Variants in CNOT6L observed in about 807,000 individuals in gnomAD.
CNOT6L encodes CCR4-NOT transcription complex subunit 6 like, also known as CCR4-NOT transcription complex subunit 6-like.
A neutral mutation model predicts 64.0 loss-of-function variants in CNOT6L; 7 were observed. That is an observed-to-expected ratio of 0.11 (90% CI 0.06 to 0.21). The LOEUF is 0.21. CNOT6L is among the 10% of genes least tolerant of loss of function. The pLI is 1.00. For synonymous variants in CNOT6L, 193 were observed against 243.4 expected (o/e 0.79, Z 1.93); for missense variants, 245 against 669.0 (o/e 0.37, Z 6.99).
chr4:77,791,969 T>C (rs1017158357), intron 1 of CNOT6L, among the ~76,000 whole-genome samples: 2 of 152,186 alleles, frequency 1.3e-5, no homozygotes, highest in East Asian at 1.9e-4. Context: ...TACTTTACAC[T>C]GTATTTACTC....
chr4:77,764,587 C>T (rs1004362525), intron 4 of CNOT6L, among the ~76,000 whole-genome samples: 51 of 152,070 alleles, frequency 3.4e-4, no homozygotes, highest in African/African-American at 1.1e-3. Flanking sequence ...AATTGGGACC[C>T]CTTTCCAGTA....
intron 1 of CNOT6L, among the ~76,000 whole-genome samples, chr4:77,817,093 A>T (rs903765193): frequency 1.1e-4 from 16 of 152,096 alleles, no homozygotes; most frequent in Non-Finnish European, 1.2e-4. Context: ...TGGTTCCTTG[A>T]TCCTTTTTAA....
In CNOT6L at chr4:77,777,836, A is replaced by G. The variant is rs1443227924; in HGVS notation, c.6-1444T>C. Among the ~76,000 whole-genome samples the G allele has an allele frequency of 2.0e-5, 3 of 152,322 alleles. No homozygotes were observed. In the East Asian group the frequency reaches 5.8e-4, roughly 29 times the overall value. On this transcript the variant is annotated intron_variant, in intron 1 of 11. Transcript: ENST00000504123. Reference sequence around the variant, plus strand: ...AAGAGATATTCTATCATGTAATAAGAAATCAAAAAGCTAGTTTATAAGAAT... The same window carrying G: ...AAGAGATATTCTATCATGTAATAAGGAATCAAAAAGCTAGTTTATAAGAAT...
intron 5 of CNOT6L, among the ~76,000 whole-genome samples, chr4:77,750,754 C>T (rs752852945): frequency 3.9e-5 from 6 of 152,114 alleles, no homozygotes; most frequent in Non-Finnish European, 8.8e-5. Flanking sequence ...CTATCACATA[C>T]AATAAATAAA....
intron 11 of CNOT6L, 115 bp from the exon 12 acceptor site, chr4:77,720,758 G>A: frequency 2.0e-6 from 2 of 993,134 alleles, no homozygotes; most frequent in Non-Finnish European, 3.0e-6. Context: ...CTGTTGTCTT[G>A]ATAGTGGGTC....
chr4:77,759,514 G>A (rs985692441), intron 4 of CNOT6L, among the ~76,000 whole-genome samples: 5 of 151,426 alleles, frequency 3.3e-5, no homozygotes, highest in Non-Finnish European at 7.4e-5. Context: ...GCAGTGAGCC[G>A]AGATTGCGCC....
chr4:77,728,323 G>C (rs1722094528), intron 10 of CNOT6L, among the ~76,000 whole-genome samples: 1 of 152,176 alleles, frequency 6.6e-6, no homozygotes, highest in Non-Finnish European at 1.5e-5. Context: ...CTGTGCCTCA[G>C]GCAGCTGATC....
chr4:77,774,794 G>T, intron 2 of CNOT6L, 78 bp from the exon 3 acceptor site: 2 of 888,998 alleles, frequency 2.2e-6, no homozygotes, highest in Non-Finnish European at 3.2e-6. Context: ...CTGAAAAGTG[G>T]TAAGAGAGGC....
At chr4:77,751,425 A>C (rs976987828) in intron 5 of CNOT6L, among the ~76,000 whole-genome samples, 1 of 152,310 alleles carries the variant, frequency 6.6e-6, no homozygotes, top group East Asian at 1.9e-4. Flanking sequence ...TATCTAGATT[A>C]GTATTATCAG....
chr4:77,805,095 A>G (rs144126320), intron 1 of CNOT6L, among the ~76,000 whole-genome samples: 148 of 152,304 alleles, frequency 9.7e-4, no homozygotes, highest in Non-Finnish European at 1.2e-3. Flanking sequence ...GGACCTGAGT[A>G]TGTATGCATG....
intron 11 of CNOT6L, among the ~76,000 whole-genome samples, chr4:77,723,198 A>G (rs1219363793): frequency 6.6e-6 from 1 of 152,128 alleles, no homozygotes; most frequent in Non-Finnish European, 1.5e-5. Context: ...TATTAAACTT[A>G]CCTGGTCTGA....
chr4:77,754,641 C>T (rs1340627656), intron 5 of CNOT6L, among the ~76,000 whole-genome samples: 2 of 152,032 alleles, frequency 1.3e-5, no homozygotes, highest in Non-Finnish European at 2.9e-5. Flanking sequence ...AGGGGGAAGA[C>T]TTACTCTACT....
chr4:77,756,172 CGTTTCACCATG>C (rs1396488927), intron 5 of CNOT6L, among the ~76,000 whole-genome samples: 3 of 151,996 alleles, frequency 2.0e-5, no homozygotes, highest in Admixed American at 6.5e-5. Context: ...TTAGTAGAGA[CGTTTCACCATG>C]GTTTCACCAT....
chr4:77,714,644 A>G lies in CNOT6L; in HGVS notation c.*5787T>C, dbSNP rs565304988. On this transcript the variant is annotated 3_prime_UTR_variant, in exon 12 of 12. Transcript: ENST00000504123. The stretch of plus-strand genomic sequence containing the variant: ...TACGAATGCCCATAGTGCACATCTC[A>G]GTGCTGCTGGTGTTTAAGAAATTTG... 6.6e-6 allele frequency: 1 copy of G among 152,642 alleles called. No homozygotes were observed. Among genetic ancestry groups the G allele is most frequent in the East Asian group, 1.9e-4 (1 of 5,188 alleles). 9.5% of individuals were successfully genotyped at this position (152,642 alleles called of 1,614,324 possible). A position where few individuals can be genotyped will look rare whatever the true frequency, so the allele number is the denominator to read the frequency against.
At chr4:77,742,366 C>T (rs1723690794) in intron 7 of CNOT6L, 71 bp from the exon 8 acceptor site, 1 of 1,331,412 alleles carries the variant, frequency 7.5e-7, no homozygotes, top group African/African-American at 1.4e-5. Context: ...AAATGTTCAG[C>T]ATTATGAGTA....
At chr4:77,759,021 C>CCG (rs1725872050) in intron 4 of CNOT6L, among the ~76,000 whole-genome samples, 2 of 151,922 alleles carry the variant, frequency 1.3e-5, no homozygotes, top group South Asian at 4.2e-4. Context: ...CCCCTCCGCA[C>CCG]CTTACCACTA....
chr4:77,751,060 C>A (rs565178393), intron 5 of CNOT6L, among the ~76,000 whole-genome samples: 9 of 152,342 alleles, frequency 5.9e-5, no homozygotes, highest in Admixed American at 2.6e-4. Context: ...AAAAGACCAA[C>A]AGACACCAAC....
At position 77,817,773 on chromosome 4, in the gene CNOT6L, C is replaced by T. The variant is rs145590013; in HGVS notation, c.5+1531G>A. On this transcript the variant is annotated intron_variant, in intron 1 of 11. Transcript: ENST00000504123. The stretch of plus-strand genomic sequence containing the variant: ...TCCCCGTGAACAGCATACACTATTT[C>T]TTTGTGAGACCAGGTGCAAAGAGCA... Among the ~76,000 whole-genome samples, 615 of 152,338 alleles carry T rather than the reference C, an allele frequency of 4.0e-3. 6 individuals are homozygous for T. Among genetic ancestry groups the T allele is most frequent in the African/African-American group, 0.014 (591 of 41,568 alleles).
intron 7 of CNOT6L, among the ~76,000 whole-genome samples, chr4:77,743,684 C>T (rs6833179): frequency 0.79 from 117,301 of 148,154 alleles, 47,022 homozygotes; most frequent in Non-Finnish European, 0.86. Context: ...TCACTGCAAC[C>T]TCTGCTTCCT....
Sources: gnomAD v4.1 joint callset for allele counts (sites outside exome capture counted in the v4.1 genomes callset) on GRCh38, gnomAD v4.1.1 for gene constraint, MANE v1.5 for transcripts, NCBI Gene and HGNC (gene_info 2026-07-23, HGNC 2026-07-21) for gene names.